The following SORCS2 variants were observed in gnomAD, a reference collection of about 807,000 sequenced individuals.
SORCS2 encodes VPS10 domain-containing receptor SorCS2.
In SORCS2, 100 loss-of-function variants were observed where a neutral mutation model predicts 141.6. The ratio of observed to expected loss-of-function variants is 0.71; its 90% CI spans 0.60 to 0.83. The LOEUF is 0.83. Among genes scored for constraint, SORCS2 ranks in the 40% least tolerant of loss-of-function variants. The pLI is 0.00. For missense variants in SORCS2, 1,646 were observed against 1,560.2 expected (o/e 1.05, Z -0.93); for synonymous variants, 789 against 676.9 (o/e 1.17, Z -2.57).
At chr4:7,515,361 A>G (rs1388470115) in intron 2 of SORCS2, among the ~76,000 whole-genome samples, 1 of 152,168 alleles carries the variant, frequency 6.6e-6, no homozygotes, top group Non-Finnish European at 1.5e-5. Context: ...GGGGCGGATG[A>G]GGCCTTCCCT....
At chr4:7,329,716 A>G (rs1484954303) in intron 1 of SORCS2, among the ~76,000 whole-genome samples, 1 of 152,232 alleles carries the variant, frequency 6.6e-6, no homozygotes, top group Non-Finnish European at 1.5e-5. Context: ...CCCAACTTAC[A>G]ATGGCTCAAC....
intron 1 of SORCS2, among the ~76,000 whole-genome samples, chr4:7,364,988 A>C (rs1174674694): frequency 6.6e-6 from 1 of 152,148 alleles, no homozygotes; most frequent in Non-Finnish European, 1.5e-5. Flanking sequence ...TCATCTGTGG[A>C]GTGTAGGTAA....
intron 8 of SORCS2, among the ~76,000 whole-genome samples, chr4:7,670,252 A>G (rs943167683): frequency 4.6e-5 from 7 of 152,220 alleles, no homozygotes; most frequent in African/African-American, 1.2e-4. Flanking sequence ...CTGTCTGTGA[A>G]AACTATAAAG....
chr4:7,482,603 AGACC>A, intron 2 of SORCS2, among the ~76,000 whole-genome samples: 2 of 87,124 alleles, frequency 2.3e-5, no homozygotes, highest in Non-Finnish European at 4.3e-5. Flanking sequence ...GCTGCTGTTC[AGACC>A]TGTATCCCCA....
At chr4:7,578,925 A>T (rs1157198104) in intron 3 of SORCS2, among the ~76,000 whole-genome samples, 3 of 152,186 alleles carry the variant, frequency 2.0e-5, no homozygotes, top group African/African-American at 7.2e-5. Flanking sequence ...ACTACTTCCG[A>T]GGTCTGGCTG....
chr4:7,271,612 G>A (rs191294551), intron 1 of SORCS2, among the ~76,000 whole-genome samples: 3 of 152,152 alleles, frequency 2.0e-5, no homozygotes, highest in East Asian at 1.9e-4. Context: ...AAATGCCATC[G>A]ACTTCATCAT....
At chr4:7,722,200 C>A (rs1240433417) in intron 18 of SORCS2, among the ~76,000 whole-genome samples, 1 of 152,188 alleles carries the variant, frequency 6.6e-6, no homozygotes, top group Non-Finnish European at 1.5e-5. Context: ...GACTCTGGGT[C>A]ACACATGCCT....
In SORCS2 at chr4:7,602,575, GGCGCTCCTC is replaced by G. The variant is rs1312749371; in HGVS notation, c.649-35752_649-35744del. Among the ~76,000 whole-genome samples, 135 of 150,688 alleles carry G rather than the reference GGCGCTCCTC, an allele frequency of 9.0e-4. 2 individuals are homozygous for G. Among genetic ancestry groups the G allele is most frequent in the Non-Finnish European group, 8.9e-5 (6 of 67,624 alleles). ...GATGGGATGGCGGCGGCCGGGAAGA[GGCGCTCCTC>G]ACTTCCTTGACGGGATGACTGCCGG... On this transcript the variant is annotated intron_variant, in intron 3 of 26. Transcript: ENST00000507866.
At chr4:7,307,310 C>A (rs1717897546) in intron 1 of SORCS2, among the ~76,000 whole-genome samples, 1 of 152,260 alleles carries the variant, frequency 6.6e-6, no homozygotes, top group South Asian at 2.1e-4. Context: ...TCCTTCACTT[C>A]TGAGCCACCT....
intron 2 of SORCS2, among the ~76,000 whole-genome samples, chr4:7,505,917 G>A (rs1325082891): frequency 1.3e-5 from 2 of 152,198 alleles, no homozygotes; most frequent in Admixed American, 6.5e-5. Context: ...GGTGTGGGAC[G>A]TGCCAAGCCC....
intron 2 of SORCS2, among the ~76,000 whole-genome samples, chr4:7,440,777 C>T (rs534186128): frequency 1.3e-5 from 2 of 152,344 alleles, no homozygotes; most frequent in Non-Finnish European, 2.9e-5. Flanking sequence ...GGCCCAGCTT[C>T]ATTGCCCGGC....
chr4:7,399,299 C>G (rs1724419691), intron 2 of SORCS2, among the ~76,000 whole-genome samples: 1 of 151,820 alleles, frequency 6.6e-6, no homozygotes, highest in African/African-American at 2.4e-5. Flanking sequence ...TGGCGGTGCC[C>G]TCGTCTGGAG....
chr4:7,264,927 G>A (rs12501148), intron 1 of SORCS2, among the ~76,000 whole-genome samples: 114,259 of 152,184 alleles, frequency 0.75, 45,169 homozygotes, highest in Non-Finnish European at 0.87. Context: ...ATTCCCCTGC[G>A]GTGCCCGCCT....
chr4:7,686,244 A>C (rs1723863687), intron 10 of SORCS2, among the ~76,000 whole-genome samples: 1 of 152,160 alleles, frequency 6.6e-6, no homozygotes, highest in African/African-American at 2.4e-5. Context: ...AAGTGGTTTG[A>C]ATCTGTTTGC....
intron 1 of SORCS2, among the ~76,000 whole-genome samples, chr4:7,328,664 T>A (rs1028739920): frequency 6.6e-6 from 1 of 151,982 alleles, no homozygotes; most frequent in Non-Finnish European, 1.5e-5. Flanking sequence ...AGCCCTGCCC[T>A]GGCCTCACGG....
intron 2 of SORCS2, among the ~76,000 whole-genome samples, chr4:7,442,945 C>T (rs906136171): frequency 9.2e-5 from 14 of 152,250 alleles, no homozygotes; most frequent in African/African-American, 2.9e-4. Flanking sequence ...CCTGCTTCCT[C>T]CCAGGTTCTG....
Position 7,714,297 on chromosome 4 carries a change from T to C in SORCS2, c.2047T>C (p.Trp683Arg). The C allele has an allele frequency of 6.2e-7, 1 of 1,605,946 alleles. No homozygotes were observed. The highest frequency in any genetic ancestry group is 8.5e-7 in the Non-Finnish European group (1 of 1,176,332). Residue 683 changes from tryptophan (W) to arginine (R), a missense_variant, in exon 16 of 27, where the codon TGG (tryptophan) becomes CGG (arginine). By Grantham distance (101) the Trp-to-Arg change is moderately radical. Coordinates refer to ENST00000507866, the MANE Select transcript of SORCS2 (RefSeq NM_020777.3). ...TTTCCGGAAAAGAAAGTCCACGTCC[T>C]GGTGCATCAAGGGGAGGAGCTTCAC... ...RSFRKRKSTSWCIKGRSFTSA... is the reference protein window; with the variant it reads ...RSFRKRKSTSRCIKGRSFTSA...
intron 11 of SORCS2, among the ~76,000 whole-genome samples, chr4:7,696,230 G>A (rs1238534570): frequency 6.6e-6 from 1 of 152,102 alleles, no homozygotes; most frequent in Non-Finnish European, 1.5e-5. Flanking sequence ...CCCAGGGTGG[G>A]GCCTCTGGGG....
At chr4:7,719,687 CAG>C (rs963242462) in intron 18 of SORCS2, among the ~76,000 whole-genome samples, 4 of 152,194 alleles carry the variant, frequency 2.6e-5, no homozygotes, top group African/African-American at 9.6e-5. Context: ...CTTGGACCCT[CAG>C]AGTAGACCCC....
Sources: gnomAD v4.1 joint callset for allele counts (sites outside exome capture counted in the v4.1 genomes callset) on GRCh38, gnomAD v4.1.1 for gene constraint, MANE v1.5 for transcripts, NCBI Gene and HGNC (gene_info 2026-07-23, HGNC 2026-07-21) for gene names.